Variants in RTL9 observed in about 807,000 individuals in gnomAD.
RTL9 encodes the protein retrotransposon Gag like 9, also known as retrotransposon Gag-like protein 9.
In RTL9, 19 loss-of-function variants were observed where a neutral mutation model predicts 44.7. That is an observed-to-expected ratio of 0.42 (90% CI 0.30 to 0.62). The LOEUF (loss-of-function observed/expected upper bound fraction) is 0.62, where lower values mean the gene tolerates loss of function less well. Ranked by LOEUF, RTL9 falls within the 20% of genes least tolerant of loss-of-function variation. The probability of loss-of-function intolerance (pLI) is 0.16; values close to 1 mark genes in which losing one functional copy is unlikely to be tolerated. For synonymous variants in RTL9, 407 were observed against 398.9 expected, an observed-to-expected ratio of 1.02 and a Z score of -0.24; for missense variants, 1,105 against 1,080.6, an observed-to-expected ratio of 1.02 and a Z score of -0.32.
At chrX:110,398,804 C>T (rs1174526792) in intron 1 of RTL9, among the ~76,000 whole-genome samples, 1 of 112,413 alleles carries the variant, frequency 8.9e-6, no homozygotes, top group East Asian at 2.8e-4. Context: ...AGTATGTTAA[C>T]ACTAAAAGAT....
At chrX:110,407,030 C>G (rs2068607279) in intron 1 of RTL9, among the ~76,000 whole-genome samples, 1 of 111,536 alleles carries the variant, frequency 9.0e-6, no homozygotes, top group African/African-American at 3.3e-5. Flanking sequence ...GTGTTTTCTC[C>G]TTTTCCTCGG....
rs750397268 is a variant in RTL9, at chrX:110,374,734, T to C, written c.-168+15818T>C. ...GAGGGTGCAAAGGACAGCTTCTATG[T>C]TTGTGGGATGGAGGTAAGAAGAGTG... On this transcript the variant is annotated intron_variant, in intron 1 of 2. Transcript: ENST00000520821. 7.6e-4 allele frequency among the ~76,000 whole-genome samples: 84 copies of C among 110,685 alleles called. 2 individuals are homozygous for C. Among genetic ancestry groups the C allele is most frequent in the Non-Finnish European group, 9.5e-4 (50 of 52,882 alleles).
chrX:110,442,257 G>C (rs868823246), intron 1 of RTL9, among the ~76,000 whole-genome samples: 127 of 101,094 alleles, frequency 1.3e-3, no homozygotes, highest in Non-Finnish European at 1.3e-3. Flanking sequence ...CTGTGTGTGT[G>C]TGTGTGTGTG....
chrX:110,367,487 C>A (rs1016298012), intron 1 of RTL9, among the ~76,000 whole-genome samples: 2 of 111,301 alleles, frequency 1.8e-5, no homozygotes, highest in Admixed American at 1.9e-4. Context: ...CAGTTTATCA[C>A]TCTCTCCTTG....
chrX:110,405,103 A>AG (rs1440120080), intron 1 of RTL9, among the ~76,000 whole-genome samples: 2 of 80,776 alleles, frequency 2.5e-5, no homozygotes, highest in African/African-American at 1.0e-4. Context: ...CCCCCCCCCA[A>AG]GCATGAGTCA....
At chrX:110,434,844 T>A (rs1184822479) in intron 1 of RTL9, among the ~76,000 whole-genome samples, 1 of 110,185 alleles carries the variant, frequency 9.1e-6, no homozygotes, top group Non-Finnish European at 1.9e-5. Flanking sequence ...ATTTTACTCA[T>A]CCAGGGCAAG....
intron 1 of RTL9, among the ~76,000 whole-genome samples, chrX:110,423,823 C>T (rs972729933): frequency 6.2e-5 from 7 of 112,086 alleles, no homozygotes; most frequent in African/African-American, 2.3e-4. Flanking sequence ...CCAGTTCTTC[C>T]GACGTTAGGT....
chrX:110,400,748 T>C (rs1192831447), intron 1 of RTL9, among the ~76,000 whole-genome samples: 2 of 112,051 alleles, frequency 1.8e-5, no homozygotes, highest in Non-Finnish European at 3.8e-5. Flanking sequence ...TAATGTTTTA[T>C]ATTTTATGGC....
At chrX:110,385,283 T>C (rs763287601) in intron 1 of RTL9, among the ~76,000 whole-genome samples, 8 of 111,971 alleles carry the variant, frequency 7.1e-5, no homozygotes, top group Non-Finnish European at 1.5e-4. Flanking sequence ...TAAAAGAATG[T>C]CTGGCACATA....
intron 1 of RTL9, among the ~76,000 whole-genome samples, chrX:110,406,410 T>C (rs2068602429): frequency 8.9e-6 from 1 of 111,838 alleles, no homozygotes; most frequent in African/African-American, 3.3e-5. Context: ...TCCAGCTTCA[T>C]CCATGTCCCT....
intron 1 of RTL9, among the ~76,000 whole-genome samples, chrX:110,425,011 C>T (rs1253865401): frequency 2.7e-5 from 3 of 111,833 alleles, no homozygotes. Flanking sequence ...TAGGTAATGT[C>T]TAGGTCACAC....
intron 1 of RTL9, among the ~76,000 whole-genome samples, chrX:110,410,756 C>T (rs1303876489): frequency 1.8e-5 from 2 of 110,975 alleles, no homozygotes; most frequent in Non-Finnish European, 3.8e-5. Flanking sequence ...AGTCACCTGT[C>T]GTTTCAAGAT....
chrX:110,452,712 G>A (rs776855681), exon 1 of RTL9: 1 of 1,210,153 alleles, frequency 8.3e-7, no homozygotes, highest in Admixed American at 2.2e-5. Context: ...ACTAATGAGA[G>A]CTCAAGACCC....
chrX:110,361,756 ATTTG>A (rs1216778728), intron 1 of RTL9, among the ~76,000 whole-genome samples: 4 of 111,991 alleles, frequency 3.6e-5, no homozygotes, highest in Non-Finnish European at 5.6e-5. Flanking sequence ...TTATCTATTT[ATTTG>A]TTTATCATCT....
At chrX:110,375,650 C>A (rs2068371512) in intron 1 of RTL9, among the ~76,000 whole-genome samples, 1 of 112,056 alleles carries the variant, frequency 8.9e-6, no homozygotes, top group South Asian at 3.7e-4. Flanking sequence ...GGAAATATTA[C>A]ATGAACTTAA....
intron 1 of RTL9, among the ~76,000 whole-genome samples, chrX:110,380,205 C>T (rs1341754568): frequency 9.0e-6 from 1 of 111,619 alleles, no homozygotes; most frequent in Non-Finnish European, 1.9e-5. Flanking sequence ...ATTAAGGTTG[C>T]AAAATTGTGT....
chrX:110,403,907 C>T (rs1485374321), intron 1 of RTL9, among the ~76,000 whole-genome samples: 1 of 111,957 alleles, frequency 8.9e-6, no homozygotes, highest in East Asian at 2.8e-4. Flanking sequence ...ATTCTGAATT[C>T]CTTCAATTAT....
At chrX:110,378,070 C>A (rs1030882339) in intron 1 of RTL9, among the ~76,000 whole-genome samples, 1 of 107,625 alleles carries the variant, frequency 9.3e-6, no homozygotes, top group Non-Finnish European at 1.9e-5. Context: ...ATCTTTTGTC[C>A]TTTTCTTCAA....
chrX:110,434,516 G>A (rs986329569), intron 1 of RTL9, among the ~76,000 whole-genome samples: 4 of 111,569 alleles, frequency 3.6e-5, no homozygotes, highest in African/African-American at 9.8e-5. Flanking sequence ...TCAACAGGTA[G>A]AAACCTCAGG....
Sources: allele counts gnomAD v4.1 joint callset (sites outside exome capture counted in the v4.1 genomes callset), GRCh38; gene constraint gnomAD v4.1.1; transcripts MANE v1.5; gene names NCBI Gene and HGNC (gene_info 2026-07-23, HGNC 2026-07-21).